The following LCK variants were observed in gnomAD, a reference collection of about 807,000 sequenced individuals.
LCK encodes the protein LCK proto-oncogene, Src family tyrosine kinase, also known as tyrosine-protein kinase Lck.
A neutral mutation model predicts 64.6 loss-of-function variants in LCK; 14 were observed. The observed-to-expected ratio is 0.22, with a 90% CI of 0.14 to 0.34. LCK has a LOEUF of 0.34. LCK is among the 10% of genes least tolerant of loss of function. The probability of loss-of-function intolerance (pLI) is 1.00; values close to 1 mark genes in which losing one functional copy is unlikely to be tolerated. For synonymous variants in LCK, 277 were observed against 263.6 expected (o/e 1.05, Z -0.49); for missense variants, 434 against 668.1 (o/e 0.65, Z 3.86).
intron 1 of LCK, among the ~76,000 whole-genome samples, chr1:32,261,952 G>GAAA (rs934560000): frequency 2.7e-4 from 11 of 40,032 alleles, no homozygotes; most frequent in South Asian, 9.8e-4. Context: ...GACTCTGTCA[G>GAAA]AAAAAAAAAA....
chr1:32,261,856 G>A (rs1222940496), intron 1 of LCK, among the ~76,000 whole-genome samples: 1 of 150,242 alleles, frequency 6.7e-6, no homozygotes, highest in Non-Finnish European at 1.5e-5. Context: ...CGGAGGCTGA[G>A]GCAGGAGAAT....
At chr1:32,262,180 G>A (rs1212195456) in intron 1 of LCK, among the ~76,000 whole-genome samples, 7 of 141,188 alleles carry the variant, frequency 5.0e-5, no homozygotes, top group Non-Finnish European at 9.2e-5. Flanking sequence ...CACGGCCCCC[G>A]GTAGCCGGAC....
At position 32,280,479 on chromosome 1, in the gene LCK, G is replaced by A. The variant is rs552413507; in HGVS notation, c.1327+269G>A. On this transcript the variant is annotated intron_variant, in intron 12 of 12. Coordinates refer to ENST00000336890, the MANE Select transcript of LCK (RefSeq NM_005356.5). ...TTTTTTTTTTTTTTTTTTTTGAGAC[G>A]GAGTCTTGCTCTGTCTCCCAGGCTG... 2.6e-3 allele frequency among the ~76,000 whole-genome samples: 253 copies of A among 96,400 alleles called. 1 individual carries two copies. Among genetic ancestry groups the A allele is most frequent in the African/African-American group, 9.9e-3 (240 of 24,310 alleles). 63.2% of individuals were successfully genotyped at this position (96,400 alleles called of 152,430 possible).
intron 1 of LCK, among the ~76,000 whole-genome samples, chr1:32,258,141 G>C (rs1445308403): frequency 6.6e-6 from 1 of 151,958 alleles, no homozygotes; most frequent in African/African-American, 2.4e-5. Context: ...AAATTAACTG[G>C]GCTTGGTGGT....
intron 1 of LCK, chr1:32,269,475 C>T (rs1174028514): frequency 6.6e-6 from 1 of 151,618 alleles, no homozygotes; most frequent in Non-Finnish European, 1.5e-5. Context: ...GCTCTGTCAC[C>T]TAGGCTAGAG....
chr1:32,265,421 G>C (rs1032067447), intron 1 of LCK, among the ~76,000 whole-genome samples: 1 of 152,180 alleles, frequency 6.6e-6, no homozygotes, highest in Non-Finnish European at 1.5e-5. Context: ...ATGGACTTAC[G>C]ATTGCTGCCA....
chr1:32,255,808 T>A (rs28686804), intron 1 of LCK, among the ~76,000 whole-genome samples: 3,982 of 150,322 alleles, frequency 0.026, 142 homozygotes, highest in African/African-American at 0.067. Context: ...TTATTTTTTT[T>A]TTTTTTTTTT....
intron 3 of LCK, 78 bp from the exon 4 acceptor site, chr1:32,274,915 T>A (rs1300527623): frequency 1.2e-6 from 2 of 1,614,074 alleles, no homozygotes. Context: ...GGTCTTGCCT[T>A]CCTTGTCCCC....
Position 32,276,564 on chromosome 1 carries a change from A to G in LCK, c.785-43A>G. 1 of 1,584,818 alleles carries G rather than the reference A, an allele frequency of 6.3e-7. No homozygotes were observed. Among genetic ancestry groups the G allele is most frequent in the East Asian group, 2.2e-5 (1 of 44,452 alleles). On this transcript the variant is annotated intron_variant, in intron 8 of 12. Transcript: ENST00000336890. The surrounding 1 kb of genome is among the most constrained non-coding windows in gnomAD (Gnocchi z 4.6). ...GCTGAGGTGATGAGAGTCCCAGGAC[A>G]GCTGCCTGGCGACTTTCCCACTCCT...
chr1:32,283,356 G>C (rs1465969130), intron 12 of LCK, among the ~76,000 whole-genome samples: 1 of 151,950 alleles, frequency 6.6e-6, no homozygotes, highest in African/African-American at 2.4e-5. Context: ...ACAAGTCCTG[G>C]GGAAAAAGGG....
chr1:32,275,141 A>G lies in LCK; in HGVS notation c.278+58A>G. ...CCGTGAGGGAGCGGCGATCTCCGCG[A>G]CCCGCAGCCCTCCTGCGGCCCTTGA... On this transcript the variant is annotated intron_variant, in intron 4 of 12. Coordinates refer to ENST00000336890, the MANE Select transcript of LCK (RefSeq NM_005356.5). This position sits in a 1 kb window ranked among gnomAD's most constrained non-coding sequence, Gnocchi z 6.9. 2 of 1,532,160 alleles carry G rather than the reference A, an allele frequency of 1.3e-6. No homozygotes were observed. The highest frequency in any genetic ancestry group is 2.3e-5 in the East Asian group (1 of 44,234). The allele number at this position is 1,532,160 out of a possible 1,614,324, so 94.9% of individuals were successfully genotyped here.
At chr1:32,260,824 G>A (rs977145825) in intron 1 of LCK, among the ~76,000 whole-genome samples, 2 of 152,008 alleles carry the variant, frequency 1.3e-5, no homozygotes, top group African/African-American at 4.8e-5. Flanking sequence ...TTCTCACCAT[G>A]TTGCCCAGGT....
In LCK at chr1:32,280,000, T is replaced by A. The variant is rs1474732001; in HGVS notation, c.1195+6T>A. On this transcript the variant is annotated splice_donor_region_variant and intron_variant, in intron 11 of 12. Coordinates refer to ENST00000336890, the MANE Select transcript of LCK (RefSeq NM_005356.5). ...CGAGTACACAGCCAGGGAGGGTACG[T>A]GTGAGATTTAAGGGTGGTCTGGGCC... 2.5e-6 allele frequency: 4 copies of A among 1,613,914 alleles called. No individual in the cohort carries two copies. The highest frequency in any genetic ancestry group is 3.4e-6 in the Non-Finnish European group (4 of 1,179,994).
At chr1:32,265,346 T>C in intron 1 of LCK, among the ~76,000 whole-genome samples, 1 of 152,236 alleles carries the variant, frequency 6.6e-6, no homozygotes, top group Non-Finnish European at 1.5e-5. Context: ...TGGGACTTCC[T>C]GGGAGCATGT....
At chr1:32,280,437 C>CTT (rs1640418755) in intron 12 of LCK, among the ~76,000 whole-genome samples, 1 of 104,796 alleles carries the variant, frequency 9.5e-6, no homozygotes, top group Admixed American at 9.6e-5. Flanking sequence ...CTCTTTTTTT[C>CTT]TTTTTCTTTT....
At chr1:32,266,441 T>C (rs1283130479) in intron 1 of LCK, among the ~76,000 whole-genome samples, 1 of 138,642 alleles carries the variant, frequency 7.2e-6, no homozygotes, top group Admixed American at 7.6e-5. Context: ...GAGCTTGCAG[T>C]GAATGAGTCG....
chr1:32,258,257 TG>T, intron 1 of LCK, among the ~76,000 whole-genome samples: 1 of 147,568 alleles, frequency 6.8e-6, no homozygotes, highest in South Asian at 2.1e-4. Context: ...CACTCCAGCC[TG>T]GGCAACAGAG....
intron 1 of LCK, among the ~76,000 whole-genome samples, chr1:32,260,561 T>C (rs1207816779): frequency 6.6e-6 from 1 of 152,198 alleles, no homozygotes; most frequent in Non-Finnish European, 1.5e-5. Context: ...TCAGAGAAAC[T>C]GAACTAAAGA....
intron 1 of LCK, among the ~76,000 whole-genome samples, chr1:32,271,123 C>G (rs951870675): frequency 3.3e-5 from 5 of 151,738 alleles, no homozygotes; most frequent in Admixed American, 2.0e-4. Flanking sequence ...GCCTCAGCCT[C>G]CCAAGTAGCT....
Sources: allele counts gnomAD v4.1 joint callset (sites outside exome capture counted in the v4.1 genomes callset), GRCh38; gene constraint gnomAD v4.1.1; non-coding constraint Gnocchi (gnomAD v3.1); transcripts MANE v1.5; gene names NCBI Gene and HGNC (gene_info 2026-07-23, HGNC 2026-07-21).